Variants in SOX5 observed in about 807,000 individuals in gnomAD.
SOX5 encodes SRY-box transcription factor 5.
SOX5 carries 9 observed loss-of-function variants against 92.0 expected under a neutral mutation model. The observed-to-expected ratio is 0.10, with a 90% CI of 0.06 to 0.17. The LOEUF (loss-of-function observed/expected upper bound fraction) is 0.17, where lower values mean the gene tolerates loss of function less well. SOX5 is among the 10% of genes least tolerant of loss of function. SOX5 has a pLI of 1.00. For synonymous variants in SOX5, 344 were observed against 336.3 expected (o/e 1.02, Z -0.25); for missense variants, 642 against 944.5 (o/e 0.68, Z 4.20).
At chr12:24,552,414 G>T (rs1338569552) in intron 1 of SOX5, among the ~76,000 whole-genome samples, 2 of 152,144 alleles carry the variant, frequency 1.3e-5, no homozygotes. Flanking sequence ...CAAATGCAGG[G>T]TTACAGCACT....
chr12:24,550,460 C>T lies in SOX5; in HGVS notation c.-251+11869G>A, dbSNP rs148959181. ...TGACCCTTTTAGAGACCTCATCCTT[C>T]AAACAGATGGAGCCATTTCTAAACT... On this transcript the variant is annotated intron_variant, in intron 1 of 4. Coordinates refer to the SOX5 transcript ENST00000446891. Among the ~76,000 whole-genome samples the T allele has an allele frequency of 1.4e-4, 21 of 152,256 alleles. No homozygotes were observed. The South Asian group carries it at 2.3e-3, about 17-fold the overall frequency.
intron 4 of SOX5, among the ~76,000 whole-genome samples, chr12:24,087,449 A>G (rs1466630497): frequency 6.6e-6 from 1 of 152,072 alleles, no homozygotes; most frequent in African/African-American, 2.4e-5. Flanking sequence ...ATTAAAGTGT[A>G]CAGAGTAAAA....
At chr12:23,810,822 T>C (rs1028685388) in intron 3 of SOX5, among the ~76,000 whole-genome samples, 3 of 152,182 alleles carry the variant, frequency 2.0e-5, no homozygotes, top group African/African-American at 7.2e-5. Context: ...ATTTCAAAGC[T>C]ACAGTTTCTC....
chr12:24,313,147 TGCCTTGAAGG>T (rs1250874847), intron 2 of SOX5, among the ~76,000 whole-genome samples: 44 of 152,324 alleles, frequency 2.9e-4, no homozygotes, highest in Admixed American at 2.1e-3. Flanking sequence ...CTGCCCCTTC[TGCCTTGAAGG>T]GTCCCAGATC....
At position 23,633,683 on chromosome 12, in the gene SOX5, T is replaced by C. The variant is rs1026226862; in HGVS notation, c.1017+7129A>G. 2.6e-5 allele frequency among the ~76,000 whole-genome samples: 4 copies of C among 152,232 alleles called. No individual in the cohort carries two copies. In the South Asian group the frequency reaches 6.2e-4, roughly 24 times the overall value. On this transcript the variant is annotated intron_variant, in intron 8 of 14. Transcript: ENST00000451604. ...GTGTATGGAGCTGCTAATTGGCTAGTAATTATTTTGATAAACACATCCTTC... is the reference window on the plus strand; with the variant it reads ...GTGTATGGAGCTGCTAATTGGCTAGCAATTATTTTGATAAACACATCCTTC...
At chr12:24,174,955 A>G (rs1954641082) in intron 4 of SOX5, among the ~76,000 whole-genome samples, 1 of 152,246 alleles carries the variant, frequency 6.6e-6, no homozygotes, top group South Asian at 2.1e-4. Flanking sequence ...AGTCTTCTTG[A>G]CAAGTCATAC....
At chr12:23,547,513 G>T (rs1943368936) in intron 11 of SOX5, among the ~76,000 whole-genome samples, 1 of 151,482 alleles carries the variant, frequency 6.6e-6, no homozygotes, top group African/African-American at 2.4e-5. Context: ...ACAGGTAAAG[G>T]GCCCAACTAA....
At chr12:23,864,428 G>A (rs2096789918) in intron 2 of SOX5, among the ~76,000 whole-genome samples, 1 of 152,178 alleles carries the variant, frequency 6.6e-6, no homozygotes, top group Non-Finnish European at 1.5e-5. Context: ...AGAAAGGCAT[G>A]TGGAAAGCAG....
chr12:23,714,352 G>C (rs940911691), intron 6 of SOX5, among the ~76,000 whole-genome samples: 1 of 152,026 alleles, frequency 6.6e-6, no homozygotes, highest in Non-Finnish European at 1.5e-5. Flanking sequence ...GCTGGGCGCA[G>C]TGTCTAGGCC....
chr12:23,634,316 T>C (rs530086890), intron 8 of SOX5, among the ~76,000 whole-genome samples: 1 of 152,256 alleles, frequency 6.6e-6, no homozygotes, highest in African/African-American at 2.4e-5. Context: ...AGATGACTAG[T>C]GCTATAGAGA....
intron 2 of SOX5, among the ~76,000 whole-genome samples, chr12:23,864,039 T>C (rs1179937530): frequency 1.3e-5 from 2 of 152,212 alleles, no homozygotes; most frequent in East Asian, 3.9e-4. Context: ...AGCAAGTTTA[T>C]TGGGATCATT....
chr12:24,468,076 G>A (rs530131346), intron 1 of SOX5, among the ~76,000 whole-genome samples: 21 of 152,348 alleles, frequency 1.4e-4, no homozygotes, highest in African/African-American at 5.0e-4. Flanking sequence ...GGGAGATGAG[G>A]AAGCAGATTT....
intron 4 of SOX5, among the ~76,000 whole-genome samples, chr12:24,152,229 T>C (rs1294381028): frequency 1.3e-5 from 2 of 152,206 alleles, no homozygotes; most frequent in East Asian, 3.8e-4. Flanking sequence ...AGTTCAAAGA[T>C]TTTTGTTCAT....
chr12:23,546,529 A>C, intron 11 of SOX5, 105 bp from the exon 12 acceptor site: 1 of 662,340 alleles, frequency 1.5e-6, no homozygotes, highest in Non-Finnish European at 2.6e-6. Context: ...GAAAGGATGC[A>C]ATGTTGATAT....
chr12:24,074,243 T>C (rs1942188968), intron 4 of SOX5, among the ~76,000 whole-genome samples: 1 of 152,146 alleles, frequency 6.6e-6, no homozygotes, highest in African/African-American at 2.4e-5. Context: ...AACACTTCAG[T>C]AACCTCCATG....
At chr12:24,341,708 A>G (rs1025605715) in intron 2 of SOX5, among the ~76,000 whole-genome samples, 44 of 152,308 alleles carry the variant, frequency 2.9e-4, no homozygotes, top group African/African-American at 1.0e-3. Context: ...AGAAACTGGC[A>G]GGATACAGTA....
intron 11 of SOX5, among the ~76,000 whole-genome samples, chr12:23,547,092 G>T (rs1056332237): frequency 1.3e-5 from 2 of 152,100 alleles, no homozygotes; most frequent in Non-Finnish European, 2.9e-5. Context: ...ACATCAAGTT[G>T]TTTAAGCATG....
chr12:23,853,873 A>G (rs1279418858), intron 2 of SOX5, among the ~76,000 whole-genome samples: 1 of 152,124 alleles, frequency 6.6e-6, no homozygotes, highest in Non-Finnish European at 1.5e-5. Context: ...GAGTGAGCAA[A>G]GACCAACCAT....
intron 1 of SOX5, among the ~76,000 whole-genome samples, chr12:24,428,234 T>C (rs2137016884): frequency 6.6e-6 from 1 of 151,580 alleles, no homozygotes; most frequent in African/African-American, 2.4e-5. Context: ...AAACCTGAGT[T>C]TACAGTAAGA....
Sources: gnomAD v4.1 joint callset for allele counts (sites outside exome capture counted in the v4.1 genomes callset) on GRCh38, gnomAD v4.1.1 for gene constraint, MANE v1.5 for transcripts, NCBI Gene and HGNC (gene_info 2026-07-23, HGNC 2026-07-21) for gene names.